Variants in KCNH8 observed in about 807,000 individuals in gnomAD.
The protein encoded by KCNH8 is voltage-gated delayed rectifier potassium channel KCNH8.
Under a neutral mutation model 103.6 loss-of-function variants are expected in KCNH8, and 70 were observed. That is an observed-to-expected ratio of 0.68 (90% CI 0.56 to 0.82). The LOEUF is 0.82. KCNH8 is among the 40% of genes least tolerant of loss of function. The pLI, the probability that KCNH8 is intolerant of heterozygous loss-of-function variation, is 0.00. For missense variants in KCNH8, 1,217 were observed against 1,329.9 expected (o/e 0.92, Z 1.32); for synonymous variants, 498 against 489.4 (o/e 1.02, Z -0.23).
intron 1 of KCNH8, among the ~76,000 whole-genome samples, chr3:19,175,012 T>A (rs2063383833): frequency 6.6e-6 from 1 of 152,202 alleles, no homozygotes; most frequent in African/African-American, 2.4e-5. Flanking sequence ...AGTATTTTTT[T>A]AATTAATGAA....
chr3:19,203,326 A>T (rs1031491891), intron 1 of KCNH8, among the ~76,000 whole-genome samples: 2 of 152,106 alleles, frequency 1.3e-5, no homozygotes, highest in African/African-American at 4.8e-5. Flanking sequence ...ATAGAGACAA[A>T]TTATTGATGC....
intron 1 of KCNH8, among the ~76,000 whole-genome samples, chr3:19,160,055 A>G (rs1034401184): frequency 6.6e-6 from 1 of 152,142 alleles, no homozygotes; most frequent in Non-Finnish European, 1.5e-5. Context: ...AAGAAAATTG[A>G]TGATGCATAG....
In KCNH8 at chr3:19,293,751, A is replaced by T. The variant is rs544946007; in HGVS notation, c.442+12422A>T. Among the ~76,000 whole-genome samples, 10 of 152,340 alleles carry T rather than the reference A, an allele frequency of 6.6e-5. No individual in the cohort carries two copies. The East Asian group carries it at 1.7e-3, about 26-fold the overall frequency. On this transcript the variant is annotated intron_variant, in intron 3 of 15. Transcript: ENST00000328405. ...ATTGTTTTCTGTTCCACTAAAATGT[A>T]TGTTTCATCAGGGAACAGACTTTGC...
intron 1 of KCNH8, among the ~76,000 whole-genome samples, chr3:19,251,337 C>T (rs899218762): frequency 6.6e-6 from 1 of 151,712 alleles, no homozygotes. Context: ...CTCCTGTGGC[C>T]TCAAAACAAT....
chr3:19,159,837 CAT>C (rs761392087), intron 1 of KCNH8, among the ~76,000 whole-genome samples: 104 of 152,152 alleles, frequency 6.8e-4, no homozygotes, highest in Non-Finnish European at 1.3e-3. Context: ...AGTAATGTCT[CAT>C]AGTCTGTGAG....
intron 3 of KCNH8, among the ~76,000 whole-genome samples, chr3:19,288,311 G>A (rs2064866388): frequency 6.8e-6 from 1 of 146,202 alleles, no homozygotes; most frequent in Admixed American, 7.0e-5. Flanking sequence ...CATGTGCCAT[G>A]TTGGTGTGCT....
intron 4 of KCNH8, among the ~76,000 whole-genome samples, chr3:19,344,270 TA>T (rs1273825923): frequency 6.6e-6 from 1 of 152,050 alleles, no homozygotes; most frequent in Non-Finnish European, 1.5e-5. Context: ...ACAGATTCTG[TA>T]AGGCTGAAAG....
At chr3:19,174,576 G>C (rs1278479315) in intron 1 of KCNH8, among the ~76,000 whole-genome samples, 1 of 151,982 alleles carries the variant, frequency 6.6e-6, no homozygotes, top group Non-Finnish European at 1.5e-5. Context: ...TCAATCTTAA[G>C]AACTAAATTA....
chr3:19,164,925 T>G (rs2063268173), intron 1 of KCNH8, among the ~76,000 whole-genome samples: 1 of 152,108 alleles, frequency 6.6e-6, no homozygotes. Context: ...ATATTCAGAG[T>G]TATCTGTAAA....
intron 3 of KCNH8, among the ~76,000 whole-genome samples, chr3:19,316,403 C>T (rs1416202496): frequency 6.6e-6 from 1 of 151,820 alleles, no homozygotes; most frequent in East Asian, 1.9e-4. Context: ...ACAACCAGGC[C>T]ATAACTCTAT....
At chr3:19,413,408 A>G (rs1247672006) in intron 7 of KCNH8, among the ~76,000 whole-genome samples, 1 of 152,018 alleles carries the variant, frequency 6.6e-6, no homozygotes, top group Non-Finnish European at 1.5e-5. Context: ...GAAGGGCAAG[A>G]GTTGAAAAAC....
At chr3:19,249,997 G>A (rs1344584325) in intron 1 of KCNH8, among the ~76,000 whole-genome samples, 1 of 152,128 alleles carries the variant, frequency 6.6e-6, no homozygotes, top group Admixed American at 6.5e-5. Flanking sequence ...AACCCAGCAA[G>A]GCCAAGGTGA....
Position 19,243,441 on chromosome 3 carries a change from GTTAC to G in KCNH8, c.77-10209_77-10206del, listed in dbSNP as rs2064167099. On this transcript the variant is annotated intron_variant, in intron 1 of 15. Transcript: ENST00000328405. Reference sequence around the variant, plus strand: ...AAATTAGTTTAGTCTTATGTTTCCTGTTACTTAACTTACAATTATCTCTTGTAAA... The same window carrying G: ...AAATTAGTTTAGTCTTATGTTTCCTGTTAACTTACAATTATCTCTTGTAAA... 4.6e-5 allele frequency among the ~76,000 whole-genome samples: 7 copies of G among 152,230 alleles called. No individual in the cohort carries two copies. The South Asian group carries it at 1.4e-3, about 32-fold the overall frequency.
At chr3:19,348,666 A>G (rs532087682) in intron 5 of KCNH8, among the ~76,000 whole-genome samples, 10 of 152,084 alleles carry the variant, frequency 6.6e-5, no homozygotes, top group African/African-American at 2.4e-4. Flanking sequence ...TCTGTAAGTC[A>G]CAGATTGACT....
At chr3:19,170,530 T>C (rs536669565) in intron 1 of KCNH8, among the ~76,000 whole-genome samples, 1 of 149,948 alleles carries the variant, frequency 6.7e-6, no homozygotes, top group African/African-American at 2.4e-5. Context: ...CTTAAGGATG[T>C]TCCAACTTCA....
At chr3:19,477,574 C>T (rs2125209887) in intron 11 of KCNH8, among the ~76,000 whole-genome samples, 1 of 152,118 alleles carries the variant, frequency 6.6e-6, no homozygotes, top group South Asian at 2.1e-4. Flanking sequence ...GACACTATCA[C>T]CTCTAGCATG....
At chr3:19,299,928 T>A (rs2065044218) in intron 3 of KCNH8, among the ~76,000 whole-genome samples, 1 of 151,916 alleles carries the variant, frequency 6.6e-6, no homozygotes, top group African/African-American at 2.4e-5. Context: ...CTAAATAAAA[T>A]AAAGGAGTGA....
chr3:19,449,238 AAAC>A (rs1169835615), intron 8 of KCNH8, among the ~76,000 whole-genome samples: 3 of 151,716 alleles, frequency 2.0e-5, no homozygotes, highest in Non-Finnish European at 4.4e-5. Flanking sequence ...GCTTAGCAAG[AAAC>A]TGGAGGTTAA....
intron 5 of KCNH8, among the ~76,000 whole-genome samples, chr3:19,369,399 C>T (rs2066056540): frequency 6.6e-6 from 1 of 151,834 alleles, no homozygotes; most frequent in Non-Finnish European, 1.5e-5. Flanking sequence ...CTTTCATGAG[C>T]TCCTGTCCCT....
Sources: gnomAD v4.1 joint callset for allele counts (sites outside exome capture counted in the v4.1 genomes callset) on GRCh38, gnomAD v4.1.1 for gene constraint, MANE v1.5 for transcripts, NCBI Gene and HGNC (gene_info 2026-07-23, HGNC 2026-07-21) for gene names.